Variants in RNF212B observed in about 807,000 individuals in gnomAD.
RNF212B encodes the protein ring finger protein 212B.
In RNF212B, 52 loss-of-function variants were observed where a neutral mutation model predicts 55.5. That is an observed-to-expected ratio of 0.94 (90% CI 0.75 to 1.18). The LOEUF (loss-of-function observed/expected upper bound fraction) is 1.18. Ranked by LOEUF, RNF212B falls within the 50% of genes most tolerant of loss-of-function variation. RNF212B has a pLI of 0.00. For synonymous variants in RNF212B, 99 were observed against 121.4 expected (o/e 0.82, Z 1.21); for missense variants, 289 against 350.4 (o/e 0.82, Z 1.40).
At chr14:23,196,364 G>A (rs72684361) in intron 2 of RNF212B, among the ~76,000 whole-genome samples, 18,958 of 152,054 alleles carry the variant, frequency 0.12, 1,596 homozygotes, top group East Asian at 0.36. Flanking sequence ...CCCACTCTGC[G>A]TCACCACTGC....
chr14:23,262,911 A>G lies in RNF212B; in HGVS notation c.482-17A>G. On this transcript the variant is annotated splice_polypyrimidine_tract_variant and intron_variant, in intron 8 of 14. Coordinates refer to ENST00000430154, the MANE Select transcript of RNF212B (RefSeq NM_001282322.3). ...CATTGATGGCAACTTTTTATTCTGT[A>G]CTTTATTCTCTTTCAGTTACCCCAC... 3.9e-6 allele frequency: 6 copies of G among 1,550,302 alleles called. No homozygotes were observed. Among genetic ancestry groups the G allele is most frequent in the Non-Finnish European group, 5.2e-6 (6 of 1,146,788 alleles).
intron 4 of RNF212B, among the ~76,000 whole-genome samples, chr14:23,251,433 C>T (rs1165597670): frequency 1.3e-5 from 2 of 152,218 alleles, no homozygotes; most frequent in East Asian, 3.9e-4. Context: ...TGAACTTCCT[C>T]CTGCTCCCAC....
At position 23,208,757 on chromosome 14, in the gene RNF212B, G is replaced by GTTTTTTTTTTT. The variant is rs1166613606; in HGVS notation, c.-2+15365_-2+15375dup. On this transcript the variant is annotated intron_variant, in intron 2 of 15. Coordinates refer to the RNF212B transcript ENST00000399910. ...GCAGTCCCAAGGGCTGCTGGTTGCC[G>GTTTTTTTTTTT]TTTTTTTTTTTTTTTTTTTGAGACG... Among the ~76,000 whole-genome samples, 288 of 98,104 alleles carry GTTTTTTTTTTT rather than the reference G, an allele frequency of 2.9e-3. 32 individuals carry two copies. Among genetic ancestry groups the GTTTTTTTTTTT allele is most frequent in the African/African-American group, 0.01 (228 of 21,888 alleles). The allele number at this position is 98,104 out of a possible 152,430, so 64.4% of individuals were successfully genotyped here.
intron 4 of RNF212B, among the ~76,000 whole-genome samples, chr14:23,254,098 G>C (rs1884609271): frequency 6.6e-6 from 1 of 151,956 alleles, no homozygotes; most frequent in East Asian, 1.9e-4. Flanking sequence ...GGGCAACATA[G>C]TAAGACCCTT....
At position 23,193,729 on chromosome 14, in the gene RNF212B, C is replaced by T. The variant is rs74036943; in HGVS notation, c.-2+328C>T. On this transcript the variant is annotated intron_variant, in intron 2 of 15. Transcript: ENST00000399910. ...AAGAATATGTAGATAGTCATAATAACGCATACCAGTAGAAGATTTAACAAA... is the reference window on the plus strand; with the variant it reads ...AAGAATATGTAGATAGTCATAATAATGCATACCAGTAGAAGATTTAACAAA... 1.4e-4 allele frequency among the ~76,000 whole-genome samples: 20 copies of T among 143,592 alleles called. No homozygotes were observed. The South Asian group carries it at 3.4e-3, about 24-fold the overall frequency. The allele number at this position is 143,592 out of a possible 152,430, so 94.2% of individuals were successfully genotyped here. A position where few individuals can be genotyped will look rare whatever the true frequency, so the allele number is the denominator to read the frequency against.
chr14:23,233,740 TCAAA>T (rs1566416295), upstream of RNF212B, among the ~76,000 whole-genome samples: 1 of 79,856 alleles, frequency 1.3e-5, no homozygotes. Context: ...AGACCCTGTC[TCAAA>T]AAAAAAAAAA....
At chr14:23,263,034 T>G (rs1885414541) in intron 9 of RNF212B, 64 bp downstream of exon 9, 1 of 1,396,984 alleles carries the variant, frequency 7.2e-7, no homozygotes, top group East Asian at 2.5e-5. Context: ...AATATCTAGT[T>G]GTAGCTCAGA....
At chr14:23,191,851 T>C (rs1878149466) in intron 1 of RNF212B, among the ~76,000 whole-genome samples, 1 of 152,244 alleles carries the variant, frequency 6.6e-6, no homozygotes, top group Non-Finnish European at 1.5e-5. Flanking sequence ...GACAAATACA[T>C]ACTTATTCGA....
chr14:23,262,039 T>A (rs1357088633), intron 7 of RNF212B, among the ~76,000 whole-genome samples: 3 of 152,174 alleles, frequency 2.0e-5, no homozygotes, highest in South Asian at 2.1e-4. Context: ...ATATATTTTT[T>A]AATATCAGTC....
At chr14:23,221,279 A>G (rs1017909640) in intron 2 of RNF212B, among the ~76,000 whole-genome samples, 1 of 152,070 alleles carries the variant, frequency 6.6e-6, no homozygotes, top group Non-Finnish European at 1.5e-5. Context: ...ATACAGATAC[A>G]CATAGATAAA....
At chr14:23,252,711 A>G (rs1215072164) in intron 4 of RNF212B, among the ~76,000 whole-genome samples, 1 of 152,214 alleles carries the variant, frequency 6.6e-6, no homozygotes, top group African/African-American at 2.4e-5. Context: ...AAGAAATTGC[A>G]TTCTCATGCT....
intron 11 of RNF212B, among the ~76,000 whole-genome samples, chr14:23,266,487 C>A (rs552095976): frequency 7.0e-6 from 1 of 142,232 alleles, no homozygotes; most frequent in African/African-American, 2.7e-5. Flanking sequence ...TCTCGGCTCA[C>A]CGCAACCTCC....
At chr14:23,201,631 A>C (rs995651730) in intron 2 of RNF212B, among the ~76,000 whole-genome samples, 2 of 152,230 alleles carry the variant, frequency 1.3e-5, no homozygotes, top group African/African-American at 4.8e-5. Context: ...AGGAGTAATT[A>C]GGTTAGAACA....
rs1466102535 is a variant in RNF212B at position 23,238,057 on chromosome 14, T to C, written c.-2+2T>C. On this transcript the variant is annotated splice_donor_variant, in intron 1 of 14. Coordinates refer to ENST00000430154, the MANE Select transcript of RNF212B (RefSeq NM_001282322.3). LOFTEE classifies it low-confidence loss of function (5UTR_SPLICE). ...TCTGGAATCACAGCGGCCAAGCGGG[T>C]AGGGAGTGTAGCCAGAAAAAGAACT... Among the ~76,000 whole-genome samples the C allele has an allele frequency of 6.6e-6, 1 of 152,048 alleles. No homozygotes were observed. Among genetic ancestry groups the C allele is most frequent in the Non-Finnish European group, 1.5e-5 (1 of 68,018 alleles).
intron 4 of RNF212B, among the ~76,000 whole-genome samples, chr14:23,250,470 G>A (rs775848181): frequency 6.7e-5 from 9 of 134,898 alleles, no homozygotes; most frequent in Admixed American, 1.5e-4. Context: ...GTGACAGAGC[G>A]AGACTCTGTC....
At chr14:23,226,541 G>A (rs1882036098) in intron 2 of RNF212B, among the ~76,000 whole-genome samples, 1 of 151,942 alleles carries the variant, frequency 6.6e-6, no homozygotes. Context: ...TGAGGCAGGA[G>A]AATGGGGTGA....
chr14:23,216,723 T>C (rs1881109740), intron 2 of RNF212B, among the ~76,000 whole-genome samples: 1 of 151,402 alleles, frequency 6.6e-6, no homozygotes, highest in Admixed American at 6.6e-5. Flanking sequence ...CTACCAAAAA[T>C]CCAAAACTTA....
At chr14:23,197,703 T>C (rs1878858528) in intron 2 of RNF212B, among the ~76,000 whole-genome samples, 1 of 151,994 alleles carries the variant, frequency 6.6e-6, no homozygotes, top group Non-Finnish European at 1.5e-5. Flanking sequence ...ATCAGAATCC[T>C]CACCCAGATT....
chr14:23,186,686 C>A (rs1258621751), intron 1 of RNF212B, among the ~76,000 whole-genome samples: 1 of 152,134 alleles, frequency 6.6e-6, no homozygotes, highest in Non-Finnish European at 1.5e-5. Flanking sequence ...TGCTTTATAG[C>A]CCACAAATGG....
Sources: allele counts gnomAD v4.1 joint callset (sites outside exome capture counted in the v4.1 genomes callset), GRCh38; gene constraint gnomAD v4.1.1; transcripts MANE v1.5; gene names NCBI Gene and HGNC (gene_info 2026-07-23, HGNC 2026-07-21).